The following GAREM2 variants were observed in gnomAD, a reference collection of about 807,000 sequenced individuals.
GAREM2 encodes GRB2 associated regulator of MAPK1 subtype 2.
A neutral mutation model predicts 55.6 loss-of-function variants in GAREM2; 30 were observed. The ratio of observed to expected loss-of-function variants is 0.54; its 90% CI spans 0.40 to 0.73. The LOEUF (loss-of-function observed/expected upper bound fraction) is 0.73, where lower values mean the gene tolerates loss of function less well. GAREM2 is among the 30% of genes least tolerant of loss of function. The pLI, the probability that GAREM2 is intolerant of heterozygous loss-of-function variation, is 0.00. For synonymous variants in GAREM2, 550 were observed against 569.1 expected (o/e 0.97, Z 0.48); for missense variants, 1,075 against 1,257.7 (o/e 0.85, Z 2.20).
the GAREM2 span, chr2:26,201,094 C>A: frequency 7.5e-7 from 1 of 1,341,212 alleles, no homozygotes; most frequent in Non-Finnish European, 1.1e-6. Flanking sequence ...AAAAAAAAAT[C>A]TCTGTGTTTT....
rs1374957675 is a variant in GAREM2 at position 26,189,453 on chromosome 2, C to T, written c.*1196C>T. On this transcript the variant is annotated 3_prime_UTR_variant, in exon 6 of 6. Coordinates refer to ENST00000401533, the MANE Select transcript of GAREM2 (RefSeq NM_001168241.2). ...TTCTCTTCTGCCTTACCTAGTCTAC[C>T]TATTTATTTCCTCCACTTTTTATCT... 6.6e-6 allele frequency: 1 copy of T among 152,212 alleles called. No individual in the cohort carries two copies. The highest frequency in any genetic ancestry group is 1.5e-5 in the Non-Finnish European group (1 of 68,042). The allele number at this position is 152,212 out of a possible 1,614,324, so 9.4% of individuals were successfully genotyped here. A position where few individuals can be genotyped will look rare whatever the true frequency, so the allele number is the denominator to read the frequency against.
At chr2:26,176,276 G>A in intron 1 of GAREM2, 68 bp from the exon 2 acceptor site, 1 of 1,425,340 alleles carries the variant, frequency 7.0e-7, no homozygotes, top group South Asian at 1.5e-5. Flanking sequence ...GTCACTATCT[G>A]TTCTTTCTGC....
intron 3 of GAREM2, 93 bp from the exon 4 acceptor site, chr2:26,184,140 G>A: frequency 1.3e-6 from 2 of 1,507,626 alleles, no homozygotes; most frequent in Non-Finnish European, 1.8e-6. Context: ...GGCGGAAGAG[G>A]AAGGCTGTTT....
chr2:26,182,960 T>A lies in GAREM2; in HGVS notation c.254-7T>A, dbSNP rs1558306995. On this transcript the variant is annotated splice_polypyrimidine_tract_variant and splice_region_variant and intron_variant, in intron 2 of 5. Coordinates refer to ENST00000401533, the MANE Select transcript of GAREM2 (RefSeq NM_001168241.2). ...CACTCCAGCAACTTTTGTCACCCAC[T>A]ATGCAGGGAAGTTCAAGCTCCTGGA... is the stretch of plus-strand genomic sequence containing the variant. 1.3e-6 allele frequency: 2 copies of A among 1,551,326 alleles called. No homozygotes were observed. The highest frequency in any genetic ancestry group is 8.7e-7 in the Non-Finnish European group (1 of 1,146,752).
At chr2:26,200,477 A>G in the GAREM2 span, among the ~76,000 whole-genome samples, 1 of 152,204 alleles carries the variant, frequency 6.6e-6, no homozygotes, top group African/African-American at 2.4e-5. Context: ...CAGAACAAGC[A>G]TCTGGACGAA....
Position 26,179,737 on chromosome 2 carries a change from C to T in GAREM2, c.254-3230C>T, listed in dbSNP as rs897405081. On this transcript the variant is annotated intron_variant, in intron 2 of 5. Coordinates refer to ENST00000401533, the MANE Select transcript of GAREM2 (RefSeq NM_001168241.2). This position sits in a 1 kb window ranked among gnomAD's most constrained non-coding sequence, Gnocchi z 4.7. Reference sequence around the variant, plus strand: ...CACTCCCTGGAGGGCTCCCTTCCTTCCTCCCGCAGTAATGACCGGCGCTGG... The same window carrying T: ...CACTCCCTGGAGGGCTCCCTTCCTTTCTCCCGCAGTAATGACCGGCGCTGG... Among the ~76,000 whole-genome samples, 2 of 152,124 alleles carry T rather than the reference C, an allele frequency of 1.3e-5. No individual in the cohort carries two copies. The highest frequency in any genetic ancestry group is 2.9e-5 in the Non-Finnish European group (2 of 68,006).
intron 2 of GAREM2, 80 bp downstream of exon 2, chr2:26,176,564 C>T (rs1430963140): frequency 1.2e-5 from 15 of 1,280,562 alleles, no homozygotes; most frequent in Middle Eastern, 2.1e-4. Context: ...GTAGGGGGAA[C>T]GCTGGGACTA....
chr2:26,181,249 C>T (rs374526098), intron 2 of GAREM2: 30 of 539,588 alleles, frequency 5.6e-5, no homozygotes, highest in African/African-American at 5.4e-4. Flanking sequence ...GTCTGCATCC[C>T]CTCCTGTCCT....
chr2:26,173,624 G>A (rs1668769027), intron 1 of GAREM2, among the ~76,000 whole-genome samples: 1 of 150,960 alleles, frequency 6.6e-6, no homozygotes, highest in South Asian at 2.1e-4. Flanking sequence ...CTCCCGCCCC[G>A]TCGGTTGCCC....
In GAREM2 at chr2:26,186,302, G is replaced by GC. The variant is rs1485043769; in HGVS notation, c.1544dup (p.Val516GlyfsTer52). 6.4e-7 allele frequency: 1 copy of GC among 1,551,522 alleles called. No homozygotes were observed. The highest frequency in any genetic ancestry group is 8.7e-7 in the Non-Finnish European group (1 of 1,146,968). On this transcript the variant is annotated frameshift_variant, in exon 5 of 6. Coordinates refer to ENST00000401533, the MANE Select transcript of GAREM2 (RefSeq NM_001168241.2). LOFTEE classifies it high-confidence loss of function. ...TTCCCCCTCGCTTCCCCAAGCTGCA[G>GC]CCGGTACATTCCCCCAGCTCCAGCC...
In GAREM2 at chr2:26,185,281, G is replaced by C; in HGVS notation, c.1428+5G>C. On this transcript the variant is annotated splice_donor_5th_base_variant and intron_variant, in intron 4 of 5. Coordinates refer to ENST00000401533, the MANE Select transcript of GAREM2 (RefSeq NM_001168241.2). ...GTCCCTCCCAAATCCGAGGCGGTGA[G>C]TGAGCGCGCTGGGGGCCGAGTCCCG... is the stretch of plus-strand genomic sequence containing the variant. 2 of 1,508,216 alleles carry C rather than the reference G, an allele frequency of 1.3e-6. No individual in the cohort carries two copies. The highest frequency in any genetic ancestry group is 1.8e-6 in the Non-Finnish European group (2 of 1,135,134). 93.4% of individuals were successfully genotyped at this position (1,508,216 alleles called of 1,614,324 possible).
In GAREM2 at chr2:26,187,279, C is replaced by A. The variant is rs1356397800; in HGVS notation, c.1647C>A (p.Ser549=). ...GCTCCCCATCGCCGGACACCTACTC[C>A]CTCTATTGCTACCCATGCACCTGGG... ...GSGSPSPDTY[S]LYCYPCTWGD... The change falls in exon 6 of 6, where the codon TCC becomes TCA. Residue 549 remains serine, a synonymous_variant. Coordinates refer to ENST00000401533, the MANE Select transcript of GAREM2 (RefSeq NM_001168241.2). The A allele has an allele frequency of 4.8e-6, 7 of 1,471,234 alleles. No individual in the cohort carries two copies. The South Asian group carries it at 9.8e-5, about 21-fold the overall frequency. The allele number at this position is 1,471,234 out of a possible 1,614,324, so 91.1% of individuals were successfully genotyped here.
At position 26,187,774 on chromosome 2, in the gene GAREM2, T is replaced by C. The variant is rs1261346524; in HGVS notation, c.2142T>C (p.Pro714=). ...FELGQGSSPE[P]ELLRSQEPRA... ...TGGGGCAGGGCAGTTCTCCAGAGCCTGAGCTGCTGCGTTCTCAGGAGCCCA... is the reference window on the plus strand; with the variant it reads ...TGGGGCAGGGCAGTTCTCCAGAGCCCGAGCTGCTGCGTTCTCAGGAGCCCA... Residue 714 remains proline (P), a synonymous_variant, in exon 6 of 6, where the codon CCT becomes CCC. Transcript: ENST00000401533. 6.9e-7 allele frequency: 1 copy of C among 1,446,570 alleles called. No homozygotes were observed. Among genetic ancestry groups the C allele is most frequent in the South Asian group, 1.5e-5 (1 of 66,816 alleles). 89.6% of individuals were successfully genotyped at this position (1,446,570 alleles called of 1,614,324 possible). A position where few individuals can be genotyped will look rare whatever the true frequency, so the allele number is the denominator to read the frequency against.
intron 2 of GAREM2, among the ~76,000 whole-genome samples, chr2:26,180,504 C>T (rs1415574028): frequency 6.6e-6 from 1 of 152,206 alleles, no homozygotes; most frequent in Non-Finnish European, 1.5e-5. Context: ...TGGCACCCAC[C>T]CTAGGAGCAC....
downstream of GAREM2, chr2:26,191,280 A>T (rs1423314926): frequency 6.2e-7 from 1 of 1,613,062 alleles, no homozygotes. Flanking sequence ...TAGGGCTGTT[A>T]GCATGGTCAG....
downstream of GAREM2, among the ~76,000 whole-genome samples, chr2:26,194,032 C>T (rs1435044729): frequency 6.6e-6 from 1 of 152,196 alleles, no homozygotes. Flanking sequence ...TTCTTGTTTG[C>T]ATTTCTGAAT....
chr2:26,177,774 C>T (rs1668909382), intron 2 of GAREM2, among the ~76,000 whole-genome samples: 1 of 152,142 alleles, frequency 6.6e-6, no homozygotes, highest in Non-Finnish European at 1.5e-5. Context: ...TTACAGGTGC[C>T]TGCCACCACT....
chr2:26,180,863 C>T (rs975561905), intron 2 of GAREM2: 5 of 959,888 alleles, frequency 5.2e-6, no homozygotes, highest in Non-Finnish European at 6.2e-6. Context: ...AGTGATCTGC[C>T]CACTTTGGCC....
chr2:26,195,122 G>A, the GAREM2 span: 1 of 1,613,076 alleles, frequency 6.2e-7, no homozygotes, highest in Non-Finnish European at 8.5e-7. Flanking sequence ...TCCCCTGCTT[G>A]AGACCAACTG....
Sources: gnomAD v4.1 joint callset for allele counts (sites outside exome capture counted in the v4.1 genomes callset) on GRCh38, gnomAD v4.1.1 for gene constraint, Gnocchi (gnomAD v3.1) non-coding constraint, MANE v1.5 for transcripts, NCBI Gene and HGNC (gene_info 2026-07-23, HGNC 2026-07-21) for gene names.